Variants in KIF13A observed in about 807,000 individuals in gnomAD.
KIF13A encodes kinesin family member 13A, also known as kinesin-like protein KIF13A.
In KIF13A, 79 loss-of-function variants were observed where a neutral mutation model predicts 212.2. The ratio of observed to expected loss-of-function variants is 0.37; its 90% CI spans 0.31 to 0.45. The LOEUF (loss-of-function observed/expected upper bound fraction) is 0.45. Among genes scored for constraint, KIF13A ranks in the 20% least tolerant of loss-of-function variants. KIF13A has a pLI of 1.00. For missense variants in KIF13A, 1,901 were observed against 2,209.0 expected, an observed-to-expected ratio of 0.86 and a Z score of 2.79; for synonymous variants, 789 against 808.6, an observed-to-expected ratio of 0.98 and a Z score of 0.41.
chr6:17,920,879 A>C (rs1020188392), intron 2 of KIF13A, among the ~76,000 whole-genome samples: 4 of 151,944 alleles, frequency 2.6e-5, no homozygotes, highest in Non-Finnish European at 5.9e-5. Context: ...GTCTCAAAAA[A>C]AAAAAAAAAA....
At position 17,967,791 on chromosome 6, in the gene KIF13A, C is replaced by G. The variant is rs920215289; in HGVS notation, c.146+19263G>C. On this transcript the variant is annotated intron_variant, in intron 2 of 38. Coordinates refer to ENST00000259711, the MANE Select transcript of KIF13A (RefSeq NM_022113.6). The surrounding 1 kb of genome is among the most constrained non-coding windows in gnomAD (Gnocchi z 4.1). Reference sequence around the variant, plus strand: ...AAGGCTCAACCATGGGACTAGGACCCGCTGATGTTTGACAATCACTGTGAG... The same window carrying G: ...AAGGCTCAACCATGGGACTAGGACCGGCTGATGTTTGACAATCACTGTGAG... Among the ~76,000 whole-genome samples the G allele has an allele frequency of 6.6e-6, 1 of 152,106 alleles. No homozygotes were observed. The highest frequency in any genetic ancestry group is 2.4e-5 in the African/African-American group (1 of 41,400).
intron 3 of KIF13A, among the ~76,000 whole-genome samples, chr6:17,891,791 G>A (rs1424118786): frequency 2.6e-5 from 4 of 152,048 alleles, no homozygotes; most frequent in Non-Finnish European, 5.9e-5. Context: ...CCAATTTGGG[G>A]AGAACAAGTG....
In KIF13A at chr6:17,873,429, G is replaced by A. The variant is rs750565664; in HGVS notation, c.168C>T (p.Ala56=). 6 of 1,583,048 alleles carry A rather than the reference G, an allele frequency of 3.8e-6. No individual in the cohort carries two copies. In the South Asian group the frequency reaches 6.9e-5, roughly 18 times the overall value. The part of the protein sequence containing the change: ...QGERKPPKVF[A]FDYCFWSMDE... Reference sequence around the variant, plus strand: ...CCATGGACCAAAAGCAATAATCAAAGGCAAATACCTGAATGAAAGAACAAA... The same window carrying A: ...CCATGGACCAAAAGCAATAATCAAAAGCAAATACCTGAATGAAAGAACAAA... The change falls in exon 4 of 39, where the codon GCC becomes GCT. Residue 56 remains alanine (A), a synonymous_variant. Transcript: ENST00000259711.
At chr6:17,790,222 G>C (rs1761417124) in intron 25 of KIF13A, among the ~76,000 whole-genome samples, 1 of 152,066 alleles carries the variant, frequency 6.6e-6, no homozygotes, top group Non-Finnish European at 1.5e-5. Flanking sequence ...GGCAACAATA[G>C]CAAGACCCCA....
chr6:17,777,585 T>G lies in KIF13A; in HGVS notation c.4093-231A>C, dbSNP rs140501353. The stretch of plus-strand genomic sequence containing the variant: ...TTTTAGTAGAGACGGGGTTTCACCA[T>G]GTTGCCCAGGTTGGTCTTGAACTCC... On this transcript the variant is annotated intron_variant, in intron 33 of 38. Transcript: ENST00000259711. The surrounding 1 kb of genome is among the most constrained non-coding windows in gnomAD (Gnocchi z 4.4). 3.2e-3 allele frequency among the ~76,000 whole-genome samples: 487 copies of G among 152,190 alleles called. 10 individuals carry two copies. In the East Asian group the frequency reaches 0.037, roughly 12 times the overall value.
rs1182829890 is a variant in KIF13A at position 17,987,230 on chromosome 6, C to A, written c.56-86G>T. ...CCGCCAGCCGCGCCGAGCGGGGCTC[C>A]GTCCCTGGAGGCGGCCGAGCCTGGA... On this transcript the variant is annotated intron_variant, in intron 1 of 38. Coordinates refer to ENST00000259711, the MANE Select transcript of KIF13A (RefSeq NM_022113.6). The surrounding 1 kb of genome is among the most constrained non-coding windows in gnomAD (Gnocchi z 7.7). 3 of 1,212,834 alleles carry A rather than the reference C, an allele frequency of 2.5e-6. No individual in the cohort carries two copies. The highest frequency in any genetic ancestry group is 5.9e-5 in the East Asian group (2 of 33,716). 75.1% of individuals were successfully genotyped at this position (1,212,834 alleles called of 1,614,324 possible).
Position 17,915,065 on chromosome 6 carries a change from T to C in KIF13A, c.147-16885A>G, listed in dbSNP as rs528883455. ...ATTGGTTTTCCATTTATGTGAGAGCTTGTACCTTGAGAGCATTTATCTATG... is the reference window on the plus strand; with the variant it reads ...ATTGGTTTTCCATTTATGTGAGAGCCTGTACCTTGAGAGCATTTATCTATG... On this transcript the variant is annotated intron_variant, in intron 2 of 38. Coordinates refer to ENST00000259711, the MANE Select transcript of KIF13A (RefSeq NM_022113.6). This position sits in a 1 kb window ranked among gnomAD's most constrained non-coding sequence, Gnocchi z 4.4. Among the ~76,000 whole-genome samples the C allele has an allele frequency of 4.6e-5, 7 of 152,362 alleles. No homozygotes were observed. The East Asian group carries it at 1.3e-3, about 29-fold the overall frequency.
intron 2 of KIF13A, among the ~76,000 whole-genome samples, chr6:17,928,820 C>T (rs541291926): frequency 6.6e-6 from 1 of 152,070 alleles, no homozygotes; most frequent in Non-Finnish European, 1.5e-5. Flanking sequence ...ACATAAAGTC[C>T]TAAACTTCAA....
At position 17,772,265 on chromosome 6, in the gene KIF13A, C is replaced by G. The variant is rs1388354251; in HGVS notation, c.4325-206G>C. On this transcript the variant is annotated intron_variant, in intron 36 of 38. Transcript: ENST00000259711. The surrounding 1 kb of genome is among the most constrained non-coding windows in gnomAD (Gnocchi z 4.8). ...GTGAAAAAAAAAATAAACAGATAGC[C>G]AGGCATGGTGGTGTCTACTTGTTGT... is the stretch of plus-strand genomic sequence containing the variant. Among the ~76,000 whole-genome samples the G allele has an allele frequency of 6.6e-6, 1 of 152,056 alleles. No homozygotes were observed. Among genetic ancestry groups the G allele is most frequent in the Non-Finnish European group, 1.5e-5 (1 of 68,012 alleles).
Position 17,766,533 on chromosome 6 carries a change from C to T in KIF13A, c.4582-1587G>A, listed in dbSNP as rs370635248. 4.9e-4 allele frequency among the ~76,000 whole-genome samples: 74 copies of T among 152,076 alleles called. No individual in the cohort carries two copies. In the South Asian group the frequency reaches 0.014, roughly 28 times the overall value. ...GATTACAGGCATGAGACACCGTGCC[C>T]GGCTAGGATTTATTTATTTTTATTT... On this transcript the variant is annotated intron_variant, in intron 38 of 38. Transcript: ENST00000259711.
chr6:17,917,968 T>C lies in KIF13A; in HGVS notation c.147-19788A>G, dbSNP rs1418297726. 5.9e-5 allele frequency among the ~76,000 whole-genome samples: 9 copies of C among 152,054 alleles called. 1 individual carries two copies. Among genetic ancestry groups the C allele is most frequent in the Admixed American group, 5.9e-4 (9 of 15,262 alleles). On this transcript the variant is annotated intron_variant, in intron 2 of 38. Transcript: ENST00000259711. ...CAGGAATACCCTCCCCTGCTGGTTC[T>C]TTCTCCCCCTTGGTCCAGAGAGGCA...
intron 3 of KIF13A, among the ~76,000 whole-genome samples, chr6:17,896,848 G>T (rs1405601818): frequency 6.6e-6 from 1 of 152,172 alleles, no homozygotes. Flanking sequence ...ATTTTTCTGT[G>T]GGGGAATACT....
chr6:17,787,662 A>G lies in KIF13A; in HGVS notation c.3361+114T>C. 1.4e-6 allele frequency: 1 copy of G among 690,930 alleles called. No individual in the cohort carries two copies. The allele number at this position is 690,930 out of a possible 1,614,324, so 42.8% of individuals were successfully genotyped here. A position where few individuals can be genotyped will look rare whatever the true frequency, so the allele number is the denominator to read the frequency against. On this transcript the variant is annotated intron_variant, in intron 27 of 38. Coordinates refer to ENST00000259711, the MANE Select transcript of KIF13A (RefSeq NM_022113.6). This position sits in a 1 kb window ranked among gnomAD's most constrained non-coding sequence, Gnocchi z 4.6. The stretch of plus-strand genomic sequence containing the variant: ...TGAGACCCTGTCTTAAAACAACAAC[A>G]ACAACAACAACAAAAATAAGATACT...
chr6:17,781,411 T>G (rs1264340993), intron 29 of KIF13A, 110 bp from the exon 30 acceptor site: 1 of 1,110,146 alleles, frequency 9.0e-7, no homozygotes, highest in East Asian at 2.6e-5. Context: ...CATAACACAT[T>G]TTTCTTTTTT....
intron 4 of KIF13A, among the ~76,000 whole-genome samples, chr6:17,857,695 T>G (rs1027831452): frequency 1.3e-5 from 2 of 152,190 alleles, no homozygotes; most frequent in Admixed American, 1.3e-4. Context: ...TTTCATAAGC[T>G]GCATATGGTG....
intron 6 of KIF13A, 124 bp from the exon 7 acceptor site, chr6:17,852,166 A>G (rs749870164): frequency 1.1e-5 from 5 of 450,644 alleles, no homozygotes; most frequent in Admixed American, 4.3e-5. Context: ...CCTCCCCCCA[A>G]CAAATCTAAA....
At chr6:17,950,448 T>G in intron 2 of KIF13A, 4 of 981,444 alleles carry the variant, frequency 4.1e-6, no homozygotes, top group Non-Finnish European at 4.8e-6. Flanking sequence ...CAAATAAAAC[T>G]CTGTAATTAT....
At position 17,808,124 on chromosome 6, in the gene KIF13A, C is replaced by T. The variant is rs140680166; in HGVS notation, c.2163+644G>A. Among the ~76,000 whole-genome samples, 8 of 152,274 alleles carry T rather than the reference C, an allele frequency of 5.3e-5. No individual in the cohort carries two copies. The East Asian group carries it at 7.7e-4, about 15-fold the overall frequency. The stretch of plus-strand genomic sequence containing the variant: ...ATAGCAGGCTGGGCACAGTGGCTCA[C>T]GCCTGTAATCCTAGCACTCTGGGAG... On this transcript the variant is annotated intron_variant, in intron 18 of 38. Transcript: ENST00000259711.
At position 17,918,064 on chromosome 6, in the gene KIF13A, T is replaced by G. The variant is rs995872328; in HGVS notation, c.147-19884A>C. 1.3e-5 allele frequency among the ~76,000 whole-genome samples: 2 copies of G among 152,048 alleles called. No homozygotes were observed. The highest frequency in any genetic ancestry group is 2.4e-5 in the African/African-American group (1 of 41,412). On this transcript the variant is annotated intron_variant, in intron 2 of 38. Transcript: ENST00000259711. The surrounding 1 kb of genome is among the most constrained non-coding windows in gnomAD (Gnocchi z 4.8). ...GTTGCACTTTCTCGGAGTCATGGTT[T>G]GTTGTCTGTCTTGTCCCCTTTACAG...
Sources: gnomAD v4.1 joint callset for allele counts (sites outside exome capture counted in the v4.1 genomes callset) on GRCh38, gnomAD v4.1.1 for gene constraint, Gnocchi (gnomAD v3.1) non-coding constraint, MANE v1.5 for transcripts, NCBI Gene and HGNC (gene_info 2026-07-23, HGNC 2026-07-21) for gene names.